The following CNKSR2 variants were observed in gnomAD, a reference collection of about 807,000 sequenced individuals.
CNKSR2 encodes connector enhancer of kinase suppressor of Ras 2.
Under a neutral mutation model 84.4 loss-of-function variants are expected in CNKSR2, and 14 were observed. That is an observed-to-expected ratio of 0.17 (90% CI 0.11 to 0.26). The LOEUF (loss-of-function observed/expected upper bound fraction) is 0.26. Among genes scored for constraint, CNKSR2 ranks in the 10% least tolerant of loss-of-function variants. CNKSR2 has a pLI of 1.00. For missense variants in CNKSR2, 485 were observed against 771.2 expected (o/e 0.63, Z 4.40); for synonymous variants, 275 against 277.9 (o/e 0.99, Z 0.10).
intron 5 of CNKSR2, among the ~76,000 whole-genome samples, chrX:21,479,783 T>C (rs1004232437): frequency 1.8e-5 from 2 of 109,672 alleles, no homozygotes; most frequent in African/African-American, 3.3e-5. Context: ...CCTTCGAGGA[T>C]GTAGGCAAAT....
intron 20 of CNKSR2, among the ~76,000 whole-genome samples, chrX:21,634,395 C>T (rs2092660820): frequency 8.9e-6 from 1 of 111,976 alleles, no homozygotes; most frequent in Middle Eastern, 4.7e-3. Context: ...TTTCATTGTC[C>T]TTAAATTCAA....
chrX:21,463,690 T>C (rs929209618), intron 4 of CNKSR2, among the ~76,000 whole-genome samples: 8 of 111,187 alleles, frequency 7.2e-5, no homozygotes, highest in African/African-American at 2.3e-4. Flanking sequence ...ACTGGGTCCT[T>C]CCCCTTAAGG....
intron 13 of CNKSR2, among the ~76,000 whole-genome samples, chrX:21,573,393 A>G (rs1285685996): frequency 8.9e-6 from 1 of 111,760 alleles, no homozygotes; most frequent in African/African-American, 3.3e-5. Flanking sequence ...CCCAGTGGAG[A>G]CTTTGTGTGG....
chrX:21,412,910 T>C (rs967443338), intron 1 of CNKSR2, among the ~76,000 whole-genome samples: 15 of 112,013 alleles, frequency 1.3e-4, no homozygotes, highest in African/African-American at 4.9e-4. Flanking sequence ...AATGCACATA[T>C]CATCAAACGT....
intron 4 of CNKSR2, among the ~76,000 whole-genome samples, chrX:21,460,519 C>T (rs916244112): frequency 8.9e-6 from 1 of 111,967 alleles, no homozygotes; most frequent in Non-Finnish European, 1.9e-5. Context: ...TATGCATCCC[C>T]TCAAGAATTT....
chrX:21,572,848 T>G (rs2147211991), intron 13 of CNKSR2, among the ~76,000 whole-genome samples: 1 of 111,119 alleles, frequency 9.0e-6, no homozygotes, highest in South Asian at 3.9e-4. Context: ...CTCCCAAATT[T>G]CATGTCCTCA....
chrX:21,602,390 G>C (rs1186994488), intron 18 of CNKSR2, among the ~76,000 whole-genome samples: 1 of 111,164 alleles, frequency 9.0e-6, no homozygotes, highest in Non-Finnish European at 1.9e-5. Context: ...CAAACCCCCG[G>C]GCTCAAGCGA....
At chrX:21,426,346 G>A (rs1329968362) in intron 1 of CNKSR2, 151 bp from the exon 2 acceptor site, 2 of 475,263 alleles carry the variant, frequency 4.2e-6, no homozygotes, top group Non-Finnish European at 7.0e-6. Context: ...CCATATGTAG[G>A]TTAAGAAAGG....
intron 1 of CNKSR2, among the ~76,000 whole-genome samples, chrX:21,413,936 A>G (rs1458488528): frequency 9.0e-6 from 1 of 111,090 alleles, no homozygotes; most frequent in African/African-American, 3.3e-5. Flanking sequence ...CCCTATCAAA[A>G]TACCAATGAC....
At chrX:21,391,281 C>T (rs974978328) in intron 1 of CNKSR2, among the ~76,000 whole-genome samples, 1 of 112,576 alleles carries the variant, frequency 8.9e-6, no homozygotes, top group Non-Finnish European at 1.9e-5. Context: ...CCCCACATTT[C>T]CCCCCCACAT....
At chrX:21,595,267 A>G (rs1200112785) in intron 16 of CNKSR2, 57 bp from the exon 17 acceptor site, 7 of 931,018 alleles carry the variant, frequency 7.5e-6, no homozygotes, top group Non-Finnish European at 7.7e-6. Context: ...CGTCAGAATT[A>G]TTTGGTTCAA....
chrX:21,625,400 A>G (rs1569281070), intron 20 of CNKSR2, among the ~76,000 whole-genome samples: 1 of 112,232 alleles, frequency 8.9e-6, no homozygotes, highest in Admixed American at 9.5e-5. Context: ...TGTATCAAGC[A>G]ATTTGGCTGC....
chrX:21,574,491 G>T (rs1020513636), intron 13 of CNKSR2, among the ~76,000 whole-genome samples: 9 of 111,917 alleles, frequency 8.0e-5, no homozygotes, highest in East Asian at 2.8e-4. Context: ...GGCAGAAGGG[G>T]AAGCAAATAT....
chrX:21,406,003 C>T (rs1388466210), intron 1 of CNKSR2, among the ~76,000 whole-genome samples: 1 of 110,839 alleles, frequency 9.0e-6, no homozygotes, highest in African/African-American at 3.3e-5. Flanking sequence ...ATAGACTCTA[C>T]AGAGCAGGCC....
intron 1 of CNKSR2, among the ~76,000 whole-genome samples, chrX:21,402,570 T>A (rs2090206103): frequency 9.0e-6 from 1 of 111,069 alleles, no homozygotes; most frequent in Non-Finnish European, 1.9e-5. Flanking sequence ...CTAGTTGACA[T>A]TTAATTAGCT....
chrX:21,595,175 A>T, intron 16 of CNKSR2, 128 bp downstream of exon 16: 1 of 671,694 alleles, frequency 1.5e-6, no homozygotes, highest in Non-Finnish European at 2.3e-6. Flanking sequence ...TGGGCAGAAA[A>T]TTGAACTTTT....
chrX:21,430,465 A>G (rs1211144282), intron 2 of CNKSR2, among the ~76,000 whole-genome samples: 1 of 111,618 alleles, frequency 9.0e-6, no homozygotes, highest in Non-Finnish European at 1.9e-5. Context: ...GCTAATAGCT[A>G]CAGAGTGAAA....
intron 11 of CNKSR2, 34 bp downstream of exon 11, chrX:21,532,101 A>G (rs1307038370): frequency 2.9e-6 from 3 of 1,027,232 alleles, no homozygotes; most frequent in East Asian, 6.2e-5. Flanking sequence ...ATATAAGACT[A>G]TATTTCTGGC....
chrX:21,417,941 A>G (rs1280242627), intron 1 of CNKSR2, among the ~76,000 whole-genome samples: 1 of 110,981 alleles, frequency 9.0e-6, no homozygotes, highest in Non-Finnish European at 1.9e-5. Flanking sequence ...TCCTCCTGCC[A>G]TTTTGTTATT....
Sources: allele counts gnomAD v4.1 joint callset (sites outside exome capture counted in the v4.1 genomes callset), GRCh38; gene constraint gnomAD v4.1.1; transcripts MANE v1.5; gene names NCBI Gene and HGNC (gene_info 2026-07-23, HGNC 2026-07-21).